ROBO2: variants seen among roughly 807,000 people sequenced by gnomAD.
ROBO2 encodes the protein roundabout guidance receptor 2, also known as roundabout homolog 2.
ROBO2 carries 53 observed loss-of-function variants against 160.8 expected under a neutral mutation model. The ratio of observed to expected loss-of-function variants is 0.33; its 90% confidence interval spans 0.26 to 0.41. The LOEUF (loss-of-function observed/expected upper bound fraction) is 0.41. Ranked by LOEUF, ROBO2 falls within the 10% of genes least tolerant of loss-of-function variation. The pLI, the probability that ROBO2 is intolerant of heterozygous loss-of-function variation, is 1.00. For synonymous variants in ROBO2, 664 were observed against 611.7 expected (o/e 1.09, Z -1.26); for missense variants, 1,577 against 1,722.4 (o/e 0.92, Z 1.49).
chr3:76,040,192 T>A (rs2067237722), intron 2 of ROBO2, among the ~76,000 whole-genome samples: 1 of 151,946 alleles, frequency 6.6e-6, no homozygotes, highest in Non-Finnish European at 1.5e-5. Context: ...GTGAATTTTT[T>A]AAATCTTGTT....
At chr3:76,789,526 A>G (rs1356218135) in intron 2 of ROBO2, among the ~76,000 whole-genome samples, 1 of 151,516 alleles carries the variant, frequency 6.6e-6, no homozygotes, top group Non-Finnish European at 1.5e-5. Context: ...CTTAACCTTC[A>G]ATTCAGTTCT....
At chr3:76,688,423 T>A (rs961802960) in intron 2 of ROBO2, among the ~76,000 whole-genome samples, 1 of 152,046 alleles carries the variant, frequency 6.6e-6, no homozygotes, top group Non-Finnish European at 1.5e-5. Context: ...GACTATTTTT[T>A]AAAGAAGCAA....
intron 2 of ROBO2, among the ~76,000 whole-genome samples, chr3:76,567,759 CTGTCTGTG>C: frequency 2.1e-5 from 1 of 47,698 alleles, no homozygotes; most frequent in South Asian, 6.7e-4. Context: ...ATATATATAT[CTGTCTGTG>C]TGTGTGTGTG....
exon 2 of ROBO2, chr3:77,098,179 A>T: frequency 6.2e-7 from 1 of 1,614,142 alleles, no homozygotes; most frequent in Non-Finnish European, 8.5e-7. Context: ...ACTGACAAGG[A>T]CGATCCCCGG....
chr3:76,457,277 A>G (rs577892809), intron 2 of ROBO2, among the ~76,000 whole-genome samples: 4 of 152,338 alleles, frequency 2.6e-5, no homozygotes, highest in African/African-American at 9.6e-5. Flanking sequence ...GGGTAAATAC[A>G]GCCATTCCAA....
chr3:77,463,515 C>T (rs569280560), intron 2 of ROBO2, among the ~76,000 whole-genome samples: 14 of 152,006 alleles, frequency 9.2e-5, no homozygotes, highest in African/African-American at 3.4e-4. Flanking sequence ...GACCCCAAGA[C>T]ATTAAGGCCT....
At chr3:76,250,315 CAAATA>C (rs1197730965) in intron 2 of ROBO2, among the ~76,000 whole-genome samples, 5 of 151,948 alleles carry the variant, frequency 3.3e-5, no homozygotes, top group East Asian at 1.9e-4. Context: ...CTTTTGGGAA[CAAATA>C]AAATAACCTA....
At chr3:77,196,996 A>G (rs959810052) in intron 2 of ROBO2, among the ~76,000 whole-genome samples, 3 of 144,896 alleles carry the variant, frequency 2.1e-5, no homozygotes, top group African/African-American at 4.9e-5. Flanking sequence ...AGAGAAAAAA[A>G]AAACAAGAAA....
At chr3:76,692,049 G>A (rs1292942906) in intron 2 of ROBO2, among the ~76,000 whole-genome samples, 1 of 152,062 alleles carries the variant, frequency 6.6e-6, no homozygotes, top group African/African-American at 2.4e-5. Flanking sequence ...TTGAAGGTTG[G>A]GAGAGATGAA....
At chr3:77,213,479 A>G (rs557547120) in intron 2 of ROBO2, among the ~76,000 whole-genome samples, 2 of 151,546 alleles carry the variant, frequency 1.3e-5, no homozygotes, top group Admixed American at 6.6e-5. Flanking sequence ...TTTCTTTTTT[A>G]TTAGTCCTGC....
chr3:77,137,935 C>G (rs2076406785), intron 2 of ROBO2, among the ~76,000 whole-genome samples: 1 of 152,192 alleles, frequency 6.6e-6, no homozygotes, highest in Admixed American at 6.5e-5. Flanking sequence ...GCAGCCCTTC[C>G]AAGCAAATGC....
intron 2 of ROBO2, among the ~76,000 whole-genome samples, chr3:75,976,033 C>A (rs1022647255): frequency 1.3e-5 from 2 of 151,532 alleles, no homozygotes; most frequent in African/African-American, 4.8e-5. Context: ...AAGCAGAAGT[C>A]CCATTGCCAG....
intron 2 of ROBO2, among the ~76,000 whole-genome samples, chr3:76,551,509 C>T (rs1178648126): frequency 6.6e-6 from 1 of 152,050 alleles, no homozygotes; most frequent in Non-Finnish European, 1.5e-5. Context: ...AAAGCTGTAA[C>T]ACAAACAGGG....
At chr3:76,564,966 G>T (rs961626834) in intron 2 of ROBO2, among the ~76,000 whole-genome samples, 5 of 152,124 alleles carry the variant, frequency 3.3e-5, no homozygotes, top group Middle Eastern at 3.2e-3. Context: ...ATCTGATTGG[G>T]AGATTTTGAA....
intron 3 of ROBO2, among the ~76,000 whole-genome samples, chr3:77,480,862 T>C (rs1331941612): frequency 1.3e-5 from 2 of 152,122 alleles, no homozygotes; most frequent in Non-Finnish European, 2.9e-5. Context: ...CAAAATGCGA[T>C]CAGGAAAGAG....
chr3:77,183,259 G>T (rs2080965264), intron 2 of ROBO2, among the ~76,000 whole-genome samples: 1 of 152,022 alleles, frequency 6.6e-6, no homozygotes, highest in South Asian at 2.1e-4. Context: ...ATTCTCCAAT[G>T]TTGCTGTAGG....
At chr3:77,220,186 A>T (rs62253267) in intron 2 of ROBO2, among the ~76,000 whole-genome samples, 5,346 of 151,866 alleles carry the variant, frequency 0.035, 112 homozygotes, top group Middle Eastern at 0.058. Flanking sequence ...AATTTTTGTA[A>T]TTTTTAGTAC....
At chr3:77,324,129 C>G (rs931319983) in intron 2 of ROBO2, among the ~76,000 whole-genome samples, 3 of 152,110 alleles carry the variant, frequency 2.0e-5, no homozygotes, top group Non-Finnish European at 4.4e-5. Flanking sequence ...GACTATAACC[C>G]AGTTCTAATC....
Position 77,366,919 on chromosome 3 carries a change from G to A in ROBO2, c.389-110495G>A, listed in dbSNP as rs116433673. On this transcript the variant is annotated intron_variant, in intron 2 of 25. Coordinates refer to ENST00000461745, the Ensembl canonical transcript of ROBO2. The stretch of plus-strand genomic sequence containing the variant: ...CCCCCCCGACACTCACAGTCCCCTG[G>A]AATTAATCTGTGCATGAAGGGACCA... 7.7e-3 allele frequency among the ~76,000 whole-genome samples: 1,114 copies of A among 144,066 alleles called. 19 individuals are homozygous for A. Among genetic ancestry groups the A allele is most frequent in the African/African-American group, 0.027 (1,059 of 39,774 alleles). The allele number at this position is 144,066 out of a possible 152,430, so 94.5% of individuals were successfully genotyped here.
Sources: gnomAD v4.1 joint callset for allele counts (sites outside exome capture counted in the v4.1 genomes callset) on GRCh38, gnomAD v4.1.1 for gene constraint, MANE v1.5 for transcripts, NCBI Gene and HGNC (gene_info 2026-07-23, HGNC 2026-07-21) for gene names.